RAD51B: variants seen among roughly 807,000 people sequenced by gnomAD.
RAD51B encodes DNA repair protein RAD51 homolog 2.
A neutral mutation model predicts 42.2 loss-of-function variants in RAD51B; 38 were observed. The ratio of observed to expected loss-of-function variants is 0.90; its 90% CI spans 0.70 to 1.18. The LOEUF is 1.18. Among genes scored for constraint, RAD51B ranks in the 50% most tolerant of loss-of-function variants. RAD51B has a pLI of 0.00. For missense variants in RAD51B, 373 were observed against 400.7 expected, an observed-to-expected ratio of 0.93 and a Z score of 0.59; for synonymous variants, 154 against 145.2, an observed-to-expected ratio of 1.06 and a Z score of -0.43.
At chr14:68,088,459 T>C (rs1312863832) in intron 7 of RAD51B, among the ~76,000 whole-genome samples, 1 of 152,100 alleles carries the variant, frequency 6.6e-6, no homozygotes, top group Non-Finnish European at 1.5e-5. Context: ...TAATAACTCC[T>C]CATTTTTTTC....
chr14:68,445,390 C>T (rs1032897242), intron 9 of RAD51B, among the ~76,000 whole-genome samples: 2 of 152,130 alleles, frequency 1.3e-5, no homozygotes, highest in African/African-American at 4.8e-5. Flanking sequence ...ACGACAGTAA[C>T]AATAATAGCT....
At chr14:68,345,659 CTTT>C (rs756255182) in intron 8 of RAD51B, among the ~76,000 whole-genome samples, 5 of 142,082 alleles carry the variant, frequency 3.5e-5, no homozygotes, top group Non-Finnish European at 1.6e-5. Flanking sequence ...GTGTTTCTTT[CTTT>C]TTTTTTTTTT....
At chr14:67,868,360 A>T (rs1436766050) in intron 5 of RAD51B, among the ~76,000 whole-genome samples, 1 of 150,242 alleles carries the variant, frequency 6.7e-6, no homozygotes, top group Admixed American at 6.6e-5. Context: ...TCCCACCCGA[A>T]TACTGTGCTT....
chr14:68,057,134 G>A (rs2076490039), intron 7 of RAD51B, among the ~76,000 whole-genome samples: 1 of 151,932 alleles, frequency 6.6e-6, no homozygotes, highest in African/African-American at 2.4e-5. Flanking sequence ...TATTGGGTTG[G>A]GTGGAGTAGG....
chr14:68,052,799 T>G (rs1185737139), intron 7 of RAD51B, among the ~76,000 whole-genome samples: 1 of 151,564 alleles, frequency 6.6e-6, no homozygotes, highest in Non-Finnish European at 1.5e-5. Flanking sequence ...TTTTTGTGTT[T>G]TTTTTTTTTT....
intron 7 of RAD51B, among the ~76,000 whole-genome samples, chr14:68,234,469 G>T (rs568028143): frequency 6.6e-6 from 1 of 152,064 alleles, no homozygotes; most frequent in East Asian, 1.9e-4. Flanking sequence ...AAACATCATC[G>T]AGTGCACTTA....
chr14:68,077,651 A>G (rs1400205553), intron 7 of RAD51B, among the ~76,000 whole-genome samples: 1 of 152,196 alleles, frequency 6.6e-6, no homozygotes, highest in African/African-American at 2.4e-5. Flanking sequence ...TGCTAGCAGT[A>G]TGTTACATTA....
rs140696800 is a variant in RAD51B at position 68,349,617 on chromosome 14, C to T, written c.853+57637C>T. On this transcript the variant is annotated intron_variant, in intron 8 of 10. Transcript: ENST00000471583. ...CAGACCTCAGGTGATCCACCCACCT[C>T]GGCCTCCCAAAGTGCTGGGATTACA... Among the ~76,000 whole-genome samples the T allele has an allele frequency of 7.4e-3, 1,134 of 152,248 alleles. 20 individuals are homozygous for T. Among genetic ancestry groups the T allele is most frequent in the African/African-American group, 0.025 (1,035 of 41,556 alleles).
chr14:68,072,070 A>ATAATTATATATATTT (rs1440869222), intron 7 of RAD51B, among the ~76,000 whole-genome samples: 2 of 104,706 alleles, frequency 1.9e-5, no homozygotes, highest in Non-Finnish European at 3.7e-5. Context: ...TATTTATATA[A>ATAATTATATATATTT]ATATATAAAT....
At chr14:68,196,731 C>A (rs1273406272) in intron 7 of RAD51B, among the ~76,000 whole-genome samples, 1 of 151,994 alleles carries the variant, frequency 6.6e-6, no homozygotes, top group Non-Finnish European at 1.5e-5. Flanking sequence ...ATATCTAAGA[C>A]CAGATCTGTT....
In RAD51B at chr14:68,371,129, C is replaced by A. The variant is rs553394919; in HGVS notation, c.854-40295C>A. ...TATCTTAAACAACTGAGAATGGTGT[C>A]ATTTTTTCCATTCCTAGAGTTATTT... On this transcript the variant is annotated intron_variant, in intron 8 of 10. Coordinates refer to ENST00000471583, the MANE Select transcript of RAD51B (RefSeq NM_133510.4). 3.2e-3 allele frequency among the ~76,000 whole-genome samples: 474 copies of A among 149,334 alleles called. 1 individual carries two copies. The highest frequency in any genetic ancestry group is 5.5e-3 in the Non-Finnish European group (371 of 67,574).
chr14:68,168,386 A>G lies in RAD51B; in HGVS notation c.757-123498A>G, dbSNP rs560723729. On this transcript the variant is annotated intron_variant, in intron 7 of 10. Coordinates refer to ENST00000471583, the MANE Select transcript of RAD51B (RefSeq NM_133510.4). The stretch of plus-strand genomic sequence containing the variant: ...TGCCCATATACATATACCATGGTAA[A>G]GCAGTTTTCTCGTTTACCAACGATC... 3.9e-5 allele frequency among the ~76,000 whole-genome samples: 6 copies of G among 152,208 alleles called. No individual in the cohort carries two copies. The South Asian group carries it at 1.0e-3, about 26-fold the overall frequency.
chr14:67,865,000 T>C lies in RAD51B; in HGVS notation c.316-3T>C, dbSNP rs906865719. ...TTTTTTTTTTTTTTTTTTTTTTTTT[T>C]AGATTACAGGTCCACCAGGTTGTGG... On this transcript the variant is annotated splice_polypyrimidine_tract_variant and splice_region_variant and intron_variant, in intron 4 of 10. Coordinates refer to ENST00000471583, the MANE Select transcript of RAD51B (RefSeq NM_133510.4). The C allele has an allele frequency of 4.2e-6, 5 of 1,182,582 alleles. No homozygotes were observed. Among genetic ancestry groups the C allele is most frequent in the Non-Finnish European group, 5.4e-6 (5 of 925,844 alleles). 73.3% of individuals were successfully genotyped at this position (1,182,582 alleles called of 1,614,324 possible). A position where few individuals can be genotyped will look rare whatever the true frequency, so the allele number is the denominator to read the frequency against.
At chr14:68,279,149 A>G (rs1360660224) in intron 7 of RAD51B, among the ~76,000 whole-genome samples, 1 of 152,242 alleles carries the variant, frequency 6.6e-6, no homozygotes, top group Admixed American at 6.5e-5. Flanking sequence ...GACTGGATTC[A>G]CTGGAGCCAA....
At chr14:68,254,847 C>T (rs1463499739) in intron 7 of RAD51B, among the ~76,000 whole-genome samples, 3 of 152,076 alleles carry the variant, frequency 2.0e-5, no homozygotes, top group Non-Finnish European at 4.4e-5. Context: ...CAAGGCATAC[C>T]ATTGGGCCTT....
chr14:68,215,159 CT>C (rs1365418974), intron 7 of RAD51B, among the ~76,000 whole-genome samples: 8 of 152,078 alleles, frequency 5.3e-5, no homozygotes, highest in African/African-American at 1.9e-4. Context: ...TTAATATGGC[CT>C]TTTATATTTT....
chr14:68,014,005 G>C (rs897133380), intron 7 of RAD51B, among the ~76,000 whole-genome samples: 16 of 152,028 alleles, frequency 1.1e-4, no homozygotes, highest in African/African-American at 3.9e-4. Context: ...CCTTTTATGA[G>C]AATAAATACA....
rs1211661771 is a variant in RAD51B at position 67,948,956 on chromosome 14, A to AAAAAAAAAAGC, written c.756+61754_756+61755insAAAAAAAGCAA. The stretch of plus-strand genomic sequence containing the variant: ...CAAAAAAAAAAAAAAAAAAAAAAAA[A>AAAAAAAAAAGC]AAGCAATGTACATACCTTAATTTAA... On this transcript the variant is annotated intron_variant, in intron 7 of 10. Transcript: ENST00000471583. Among the ~76,000 whole-genome samples the AAAAAAAAAAGC allele has an allele frequency of 5.3e-5, 8 of 150,764 alleles. 1 individual carries two copies. Among genetic ancestry groups the AAAAAAAAAAGC allele is most frequent in the African/African-American group, 1.9e-4 (8 of 41,038 alleles).
At chr14:67,903,194 C>G (rs1240840928) in intron 7 of RAD51B, among the ~76,000 whole-genome samples, 1 of 152,140 alleles carries the variant, frequency 6.6e-6, no homozygotes, top group African/African-American at 2.4e-5. Context: ...GTTGGTTTGT[C>G]TGTATACTGT....
Sources: allele counts gnomAD v4.1 joint callset (sites outside exome capture counted in the v4.1 genomes callset), GRCh38; gene constraint gnomAD v4.1.1; transcripts MANE v1.5; gene names NCBI Gene and HGNC (gene_info 2026-07-23, HGNC 2026-07-21).